The following BLTP1 variants were observed in gnomAD, a reference collection of about 807,000 sequenced individuals.
The protein encoded by BLTP1 is fragile site-associated protein.
chr4:122,171,804 AAAC>A, the BLTP1 span: 3 of 984,554 alleles, frequency 3.0e-6, no homozygotes, highest in Admixed American at 6.1e-5. Flanking sequence ...TTTAAGAAAA[AAAC>A]AACAATAACA....
chr4:122,229,203 T>C, the BLTP1 span: 2 of 1,611,958 alleles, frequency 1.2e-6, no homozygotes, highest in Middle Eastern at 1.7e-4. Flanking sequence ...GGAGCCGATA[T>C]TTACATTGTT....
the BLTP1 span, among the ~76,000 whole-genome samples, chr4:122,272,779 C>G: frequency 6.6e-6 from 1 of 151,912 alleles, no homozygotes; most frequent in Non-Finnish European, 1.5e-5. Context: ...TAATCTAATA[C>G]TAAGTATCTC....
At chr4:122,358,740 A>T in the BLTP1 span, among the ~76,000 whole-genome samples, 3 of 152,192 alleles carry the variant, frequency 2.0e-5, no homozygotes, top group Non-Finnish European at 4.4e-5. Context: ...TTACCTAATT[A>T]TTCAATTATT....
the BLTP1 span, chr4:122,244,921 A>G: frequency 7.2e-7 from 1 of 1,380,732 alleles, no homozygotes; most frequent in Non-Finnish European, 9.9e-7. Context: ...CAATTGTTGT[A>G]CATATTCAGA....
the BLTP1 span, among the ~76,000 whole-genome samples, chr4:122,339,745 C>T: frequency 2.0e-5 from 3 of 152,062 alleles, no homozygotes; most frequent in Non-Finnish European, 4.4e-5. Flanking sequence ...TCTTAAGCTA[C>T]ATTTGACATT....
the BLTP1 span, among the ~76,000 whole-genome samples, chr4:122,233,686 T>C: frequency 1.3e-5 from 2 of 152,362 alleles, no homozygotes; most frequent in African/African-American, 4.8e-5. Flanking sequence ...AGATAGATGT[T>C]CCACTTCTAA....
the BLTP1 span, among the ~76,000 whole-genome samples, chr4:122,213,269 C>G: frequency 6.6e-6 from 1 of 152,090 alleles, no homozygotes; most frequent in East Asian, 1.9e-4. Context: ...AAACTTCTTC[C>G]TGGCCTCAAG....
At chr4:122,284,855 A>G in the BLTP1 span, among the ~76,000 whole-genome samples, 4,325 of 152,304 alleles carry the variant, frequency 0.028, 139 homozygotes, top group African/African-American at 0.08. Flanking sequence ...GATACTATCT[A>G]TGATTTCAGG....
the BLTP1 span, among the ~76,000 whole-genome samples, chr4:122,278,736 A>G: frequency 3.8e-4 from 58 of 152,258 alleles, no homozygotes; most frequent in Non-Finnish European, 7.4e-4. Flanking sequence ...GGTTCACGCA[A>G]TCCTCCCACC....
At chr4:122,262,783 C>G in the BLTP1 span, 3 of 1,604,584 alleles carry the variant, frequency 1.9e-6, no homozygotes, top group Non-Finnish European at 2.6e-6. Context: ...CCATATCATT[C>G]TCTGAGCTAT....
the BLTP1 span, chr4:122,340,993 T>A: frequency 7.4e-3 from 1,412 of 190,006 alleles, 82 homozygotes; most frequent in Admixed American, 0.081. Context: ...TTTTAAAATT[T>A]AAAGTATCAT....
the BLTP1 span, chr4:122,248,096 T>C: frequency 1.0e-6 from 1 of 985,270 alleles, no homozygotes; most frequent in Non-Finnish European, 1.2e-6. Flanking sequence ...TCTGGGTCTG[T>C]GTACCTGTTT....
chr4:122,320,299 C>G, the BLTP1 span, among the ~76,000 whole-genome samples: 1 of 152,140 alleles, frequency 6.6e-6, no homozygotes, highest in African/African-American at 2.4e-5. Flanking sequence ...CAGCACATGA[C>G]ACCATGCCTG....
At chr4:122,316,081 T>C in the BLTP1 span, among the ~76,000 whole-genome samples, 5 of 152,170 alleles carry the variant, frequency 3.3e-5, no homozygotes, top group African/African-American at 1.2e-4. Context: ...ACGTGAGTTA[T>C]ATCTCAATAA....
chr4:122,294,171 T>C, the BLTP1 span, among the ~76,000 whole-genome samples: 19 of 152,100 alleles, frequency 1.2e-4, no homozygotes, highest in Non-Finnish European at 2.6e-4. Flanking sequence ...GACTTAGCCT[T>C]TTCAGCCTGC....
At chr4:122,254,064 C>A in the BLTP1 span, 2 of 785,612 alleles carry the variant, frequency 2.5e-6, no homozygotes, top group Non-Finnish European at 4.0e-6. Context: ...ATCCTTCAAA[C>A]CTGAAGGAGA....
the BLTP1 span, chr4:122,245,149 T>C: frequency 1.2e-6 from 2 of 1,603,710 alleles, no homozygotes; most frequent in East Asian, 4.5e-5. Flanking sequence ...ATGTAAGAAC[T>C]TTTTAATTCA....
chr4:122,271,717 A>G, the BLTP1 span: 2 of 1,557,308 alleles, frequency 1.3e-6, no homozygotes, highest in East Asian at 2.3e-5. Context: ...AAACATTTGG[A>G]CCAGCAGGTA....
chr4:122,336,899 A>G, the BLTP1 span: 5 of 1,602,260 alleles, frequency 3.1e-6, no homozygotes, highest in South Asian at 1.1e-5. Context: ...TCACAAGATG[A>G]AGATATGGGA....
Sources: gnomAD v4.1 joint callset for allele counts (sites outside exome capture counted in the v4.1 genomes callset) on GRCh38, gnomAD v4.1.1 for gene constraint, MANE v1.5 for transcripts, NCBI Gene and HGNC (gene_info 2026-07-23, HGNC 2026-07-21) for gene names.